CTTNBP2: variants seen among roughly 807,000 people sequenced by gnomAD.
The protein encoded by CTTNBP2 is cortactin-binding protein 2.
A neutral mutation model predicts 156.9 loss-of-function variants in CTTNBP2; 108 were observed. That is an observed-to-expected ratio of 0.69 (90% CI 0.59 to 0.81). The LOEUF is 0.81. Among genes scored for constraint, CTTNBP2 ranks in the 30% least tolerant of loss-of-function variants. CTTNBP2 has a pLI of 0.00. For missense variants in CTTNBP2, 1,924 were observed against 2,035.4 expected (o/e 0.95, Z 1.05); for synonymous variants, 767 against 751.8 (o/e 1.02, Z -0.33).
chr7:117,734,446 T>G (rs1430578304), intron 16 of CTTNBP2, among the ~76,000 whole-genome samples: 2 of 152,244 alleles, frequency 1.3e-5, no homozygotes, highest in East Asian at 3.8e-4. Flanking sequence ...CTTATTTTGT[T>G]ATTCTGTGAA....
Position 117,721,135 on chromosome 7 carries a change from T to TAA in CTTNBP2, c.4448-7_4448-6dup, listed in dbSNP as rs764589410. On this transcript the variant is annotated splice_region_variant and splice_polypyrimidine_tract_variant and intron_variant, in intron 19 of 22. Transcript: ENST00000160373. Reference sequence around the variant, plus strand: ...ATATAGTCTTATTTTTCATACCTGTTAAAAAAGAGAACCATTTTCAATAGA... The same window carrying TAA: ...ATATAGTCTTATTTTTCATACCTGTTAAAAAAAAGAGAACCATTTTCAATAGA... 8.0e-5 allele frequency: 124 copies of TAA among 1,550,996 alleles called. No homozygotes were observed. Among genetic ancestry groups the TAA allele is most frequent in the Non-Finnish European group, 1.0e-4 (116 of 1,122,772 alleles).
rs182229462 is a variant in CTTNBP2, at chr7:117,788,053, T to C, written c.2068+3075A>G. Among the ~76,000 whole-genome samples, 5 of 152,296 alleles carry C rather than the reference T, an allele frequency of 3.3e-5. No individual in the cohort carries two copies. In the East Asian group the frequency reaches 7.7e-4, roughly 24 times the overall value. ...ACAGTGGCATGATTATGGCTCACTG[T>C]AGCCTTGACTTCCCGAATTCAAGTG... On this transcript the variant is annotated intron_variant, in intron 4 of 22. Coordinates refer to ENST00000160373, the MANE Select transcript of CTTNBP2 (RefSeq NM_033427.3).
rs1794053184 is a variant in CTTNBP2, at chr7:117,711,532, C to T, written c.*5G>A. The T allele has an allele frequency of 1.2e-6, 2 of 1,609,956 alleles. No homozygotes were observed. Among genetic ancestry groups the T allele is most frequent in the Non-Finnish European group, 8.5e-7 (1 of 1,178,542 alleles). Reference sequence around the variant, plus strand: ...AAGTTAATAATGAGAATATTGTAGGCAGGCCTATTTGTTAGGTTTTTCTAG... The same window carrying T: ...AAGTTAATAATGAGAATATTGTAGGTAGGCCTATTTGTTAGGTTTTTCTAG... On this transcript the variant is annotated 3_prime_UTR_variant, in exon 23 of 23. Coordinates refer to ENST00000160373, the MANE Select transcript of CTTNBP2 (RefSeq NM_033427.3).
intron 2 of CTTNBP2, among the ~76,000 whole-genome samples, chr7:117,813,103 G>A (rs1477113): frequency 0.57 from 86,153 of 151,912 alleles, 24,555 homozygotes; most frequent in East Asian, 0.71. Context: ...CAGGAATGTC[G>A]TACCGGACTG....
At chr7:117,778,700 T>C (rs1249345674) in intron 7 of CTTNBP2, among the ~76,000 whole-genome samples, 1 of 152,332 alleles carries the variant, frequency 6.6e-6, no homozygotes, top group Non-Finnish European at 1.5e-5. Context: ...AGGTTCTATC[T>C]ACAGTCTCTT....
chr7:117,719,942 C>CAT (rs1794687011), intron 20 of CTTNBP2, among the ~76,000 whole-genome samples: 1 of 152,172 alleles, frequency 6.6e-6, no homozygotes, highest in Non-Finnish European at 1.5e-5. Context: ...AACACTGTGG[C>CAT]ATAGGGGACA....
rs771179521 is a variant in CTTNBP2 at position 117,719,610 on chromosome 7, G to A, written c.4538C>T (p.Thr1513Met). The change falls in exon 21 of 23, where the codon ACG becomes ATG. Residue 1513 changes from threonine (T) to methionine (M), a missense_variant. Physicochemically the swap from Thr to Met is moderately conservative, Grantham distance 81. Transcript: ENST00000160373. ...QKSLENDLSL[T>M]LNLDQRLSLG... ...AGAGAGTCTCTGATCCAAATTCAAC[G>A]TCAGTGATAGATCATTCTCTAAAGA... 70 of 1,613,366 alleles carry A rather than the reference G, an allele frequency of 4.3e-5. No homozygotes were observed. The Middle Eastern group carries it at 1.2e-3, about 27-fold the overall frequency.
At chr7:117,819,088 T>A (rs1052892020) in intron 2 of CTTNBP2, among the ~76,000 whole-genome samples, 1 of 152,096 alleles carries the variant, frequency 6.6e-6, no homozygotes, top group Non-Finnish European at 1.5e-5. Flanking sequence ...AGAAAATACA[T>A]AGAGATTTTT....
rs144094600 is a variant in CTTNBP2, at chr7:117,791,667, G to C, written c.1529C>G (p.Pro510Arg). The C allele has an allele frequency of 1.1e-5, 17 of 1,614,212 alleles. No individual in the cohort carries two copies. In the African/African-American group the frequency reaches 2.3e-4, roughly 22 times the overall value. Reference protein sequence around the residue: ...TSPQAGAPSRPGVPPTGDVGT... With the variant: ...TSPQAGAPSRRGVPPTGDVGT... The stretch of plus-strand genomic sequence containing the variant: ...AACATCCCCTGTTGGGGGCACTCCA[G>C]GCCTTGAGGGAGCACCTGCTTGAGG... Residue 510 changes from proline (P) to arginine (R), a missense_variant, in exon 4 of 23, where the codon CCT (proline) becomes CGT (arginine). Physicochemically the swap from Pro to Arg is moderately radical, Grantham distance 103 (BLOSUM62 -2). Coordinates refer to ENST00000160373, the MANE Select transcript of CTTNBP2 (RefSeq NM_033427.3).
At chr7:117,873,281 C>A in intron 1 of CTTNBP2, 54 bp downstream of exon 1, 1 of 1,278,794 alleles carries the variant, frequency 7.8e-7, no homozygotes, top group Non-Finnish European at 9.9e-7. Context: ...ACCCCGGCGC[C>A]GCCCCCGGCC....
chr7:117,802,066 C>A (rs915597295), intron 3 of CTTNBP2, among the ~76,000 whole-genome samples: 2 of 115,622 alleles, frequency 1.7e-5, no homozygotes, highest in Non-Finnish European at 3.4e-5. Flanking sequence ...CCTCCCCCCA[C>A]CCCACCACAG....
chr7:117,747,049 G>A (rs530488664), intron 12 of CTTNBP2, among the ~76,000 whole-genome samples: 12 of 152,262 alleles, frequency 7.9e-5, no homozygotes, highest in African/African-American at 2.6e-4. Flanking sequence ...ACCCTGCCCA[G>A]CACACATGCT....
intron 4 of CTTNBP2, among the ~76,000 whole-genome samples, chr7:117,787,836 T>C (rs1046311251): frequency 5.9e-5 from 9 of 152,212 alleles, no homozygotes; most frequent in African/African-American, 2.2e-4. Flanking sequence ...ATAATTTTTA[T>C]AGATAAAAGC....
intron 2 of CTTNBP2, among the ~76,000 whole-genome samples, chr7:117,811,926 ATTTTAATTAAAAAAAT>A: frequency 6.9e-6 from 1 of 144,892 alleles, no homozygotes; most frequent in South Asian, 2.1e-4. Flanking sequence ...TAATGTAAAA[ATTTTAATTAAAAAAAT>A]TAAAATTTTT....
chr7:117,869,522 C>CAA (rs1804434936), intron 1 of CTTNBP2, among the ~76,000 whole-genome samples: 1 of 152,190 alleles, frequency 6.6e-6, no homozygotes, highest in East Asian at 1.9e-4. Context: ...CTCCCAGCCA[C>CAA]AGCCTTCCTG....
At position 117,789,171 on chromosome 7, in the gene CTTNBP2, TC is replaced by T. The variant is rs1348152180; in HGVS notation, c.2068+1956del. ...TAACAGATTTTAATCCGTTAACTTT[TC>T]AATCCTGTTGACAAAATGTTCCTCA... On this transcript the variant is annotated intron_variant, in intron 4 of 22. Transcript: ENST00000160373. Among the ~76,000 whole-genome samples the T allele has an allele frequency of 2.0e-5, 3 of 152,188 alleles. No homozygotes were observed. The East Asian group carries it at 5.8e-4, about 29-fold the overall frequency.
At chr7:117,847,527 T>C (rs905007027) in intron 2 of CTTNBP2, among the ~76,000 whole-genome samples, 14 of 152,092 alleles carry the variant, frequency 9.2e-5, no homozygotes, top group Non-Finnish European at 1.5e-5. Flanking sequence ...AGAGCAAGAC[T>C]CCAAAGAAAA....
intron 19 of CTTNBP2, among the ~76,000 whole-genome samples, chr7:117,723,270 G>A (rs1452195817): frequency 6.6e-6 from 1 of 151,864 alleles, no homozygotes; most frequent in Non-Finnish European, 1.5e-5. Context: ...GGTAATTGGG[G>A]AACCCTAGCA....
chr7:117,851,658 A>G (rs554470624), intron 2 of CTTNBP2, among the ~76,000 whole-genome samples: 1 of 152,208 alleles, frequency 6.6e-6, no homozygotes, highest in Admixed American at 6.5e-5. Flanking sequence ...CACAGTATCT[A>G]TTAAGACTTT....
Sources: allele counts gnomAD v4.1 joint callset (sites outside exome capture counted in the v4.1 genomes callset), GRCh38; gene constraint gnomAD v4.1.1; transcripts MANE v1.5; gene names NCBI Gene and HGNC (gene_info 2026-07-23, HGNC 2026-07-21).